The following ENOX1 variants were observed in gnomAD, a reference collection of about 807,000 sequenced individuals.
ENOX1 encodes ecto-NOX disulfide-thiol exchanger 1, also known as candidate growth-related and time keeping constitutive hydroquinone (NADH) oxidase.
A neutral mutation model predicts 82.5 loss-of-function variants in ENOX1; 42 were observed. The observed-to-expected ratio is 0.51, with a 90% CI of 0.40 to 0.66. The LOEUF is 0.66. ENOX1 is among the 30% of genes least tolerant of loss of function. The probability of loss-of-function intolerance (pLI) is 0.00; values close to 1 mark genes in which losing one functional copy is unlikely to be tolerated. For synonymous variants in ENOX1, 271 were observed against 282.2 expected, an observed-to-expected ratio of 0.96 and a Z score of 0.40; for missense variants, 608 against 811.6, an observed-to-expected ratio of 0.75 and a Z score of 3.05.
At chr13:43,734,588 AC>A (rs1297859930) in intron 1 of ENOX1, among the ~76,000 whole-genome samples, 1 of 152,198 alleles carries the variant, frequency 6.6e-6, no homozygotes, top group Non-Finnish European at 1.5e-5. Context: ...CCAGCAAGCA[AC>A]TTTTCACTCT....
chr13:43,274,405 T>C lies in ENOX1; in HGVS notation c.1447-4828A>G, dbSNP rs150622920. 8.8e-3 allele frequency among the ~76,000 whole-genome samples: 1,337 copies of C among 152,360 alleles called. 7 individuals carry two copies. The highest frequency in any genetic ancestry group is 0.054 in the Middle Eastern group (16 of 294). On this transcript the variant is annotated intron_variant, in intron 12 of 16. Transcript: ENST00000690772. Reference sequence around the variant, plus strand: ...ACTAATATTTATATATTCAAAACAATGGTGATTCAAAACTGCCACTCTTCA... The same window carrying C: ...ACTAATATTTATATATTCAAAACAACGGTGATTCAAAACTGCCACTCTTCA...
At chr13:43,734,499 T>C (rs1324130096) in intron 1 of ENOX1, among the ~76,000 whole-genome samples, 1 of 152,214 alleles carries the variant, frequency 6.6e-6, no homozygotes. Context: ...AAAGTATCTT[T>C]GAAAACTGCT....
chr13:43,687,023 G>GT (rs2086112382), intron 1 of ENOX1, among the ~76,000 whole-genome samples: 6 of 152,128 alleles, frequency 3.9e-5, no homozygotes, highest in Admixed American at 2.6e-4. Context: ...CCATTTTCAT[G>GT]TTGCCAGAAA....
intron 14 of ENOX1, among the ~76,000 whole-genome samples, chr13:43,254,749 C>T (rs9316003): frequency 0.97 from 146,972 of 152,270 alleles, 71,162 homozygotes; most frequent in East Asian, 1. Flanking sequence ...TAGAGTCTAT[C>T]ATGAATAACT....
chr13:43,761,877 A>G (rs1407042475), intron 1 of ENOX1, among the ~76,000 whole-genome samples: 1 of 152,134 alleles, frequency 6.6e-6, no homozygotes, highest in Non-Finnish European at 1.5e-5. Context: ...AAAACAATAA[A>G]ATAAAATAAA....
intron 1 of ENOX1, among the ~76,000 whole-genome samples, chr13:43,744,256 T>G (rs2153828520): frequency 6.6e-6 from 1 of 152,250 alleles, no homozygotes; most frequent in South Asian, 2.1e-4. Context: ...TTTCAGGGCT[T>G]CTCTGAAAAC....
intron 1 of ENOX1, among the ~76,000 whole-genome samples, chr13:43,754,072 A>T (rs1950484685): frequency 7.0e-6 from 1 of 142,328 alleles, no homozygotes; most frequent in African/African-American, 2.6e-5. Flanking sequence ...ATATACGTAT[A>T]TAAATACACA....
At chr13:43,479,891 T>C (rs1418686976) in intron 3 of ENOX1, among the ~76,000 whole-genome samples, 1 of 152,112 alleles carries the variant, frequency 6.6e-6, no homozygotes, top group East Asian at 1.9e-4. Context: ...GGCTTTTGGT[T>C]CCTGAGAACC....
At chr13:43,247,828 C>CAT (rs71214135) in intron 14 of ENOX1, among the ~76,000 whole-genome samples, 11 of 37,112 alleles carry the variant, frequency 3.0e-4, no homozygotes, top group African/African-American at 5.0e-4. Flanking sequence ...ACAGATGCAA[C>CAT]ATATATATAT....
chr13:43,459,133 C>T (rs1339456159), intron 3 of ENOX1: 6 of 152,198 alleles, frequency 3.9e-5, no homozygotes, highest in South Asian at 4.1e-4. Flanking sequence ...AAATCTATTA[C>T]GATTTCAATG....
rs374387995 is a variant in ENOX1, at chr13:43,412,835, T to C, written c.70+10A>G. On this transcript the variant is annotated intron_variant, in intron 4 of 16. Transcript: ENST00000690772. ...CTTGTTTGTGTCCTGTGCTGGCCAC[T>C]GGCATTTACCTGCAGCCATCATCTG... 256 of 1,614,046 alleles carry C rather than the reference T, an allele frequency of 1.6e-4. No individual in the cohort carries two copies. The highest frequency in any genetic ancestry group is 1.9e-4 in the Non-Finnish European group (223 of 1,179,980).
chr13:43,616,398 C>T (rs533764165), intron 2 of ENOX1, among the ~76,000 whole-genome samples: 14 of 148,826 alleles, frequency 9.4e-5, no homozygotes, highest in East Asian at 2.0e-4. Flanking sequence ...GATGGGGTTT[C>T]GCCATGTTGG....
chr13:43,714,841 A>T lies in ENOX1; in HGVS notation c.-284-47297T>A, dbSNP rs548440043. Among the ~76,000 whole-genome samples the T allele has an allele frequency of 8.5e-5, 13 of 152,260 alleles. No homozygotes were observed. The East Asian group carries it at 2.3e-3, about 27-fold the overall frequency. On this transcript the variant is annotated intron_variant, in intron 1 of 16. Coordinates refer to ENST00000690772, the MANE Select transcript of ENOX1 (RefSeq NM_001347969.2). ...GTGAGATGCGTTTCCTGAATAGCAC[A>T]CTGATGGGTCTTGACTCTATCCAAT...
At chr13:43,720,526 A>G (rs746825834) in intron 1 of ENOX1, among the ~76,000 whole-genome samples, 2 of 152,122 alleles carry the variant, frequency 1.3e-5, no homozygotes, top group Non-Finnish European at 2.9e-5. Context: ...TCTACTACTC[A>G]GTGCTGGTGT....
intron 11 of ENOX1, among the ~76,000 whole-genome samples, chr13:43,309,025 C>CTT (rs138771171): frequency 7.2e-6 from 1 of 138,582 alleles, no homozygotes; most frequent in African/African-American, 2.7e-5. Flanking sequence ...CTCAAAGTTA[C>CTT]TTTTTTTTTT....
intron 7 of ENOX1, 23 bp downstream of exon 7, chr13:43,359,828 A>C: frequency 6.2e-7 from 1 of 1,605,086 alleles, no homozygotes. Flanking sequence ...TGCCTAGAAA[A>C]CTCCTTATGT....
intron 2 of ENOX1, among the ~76,000 whole-genome samples, chr13:43,533,460 A>T (rs2078319073): frequency 6.6e-6 from 1 of 151,830 alleles, no homozygotes; most frequent in Non-Finnish European, 1.5e-5. Flanking sequence ...TCCATTTCTG[A>T]TTGGCATTCT....
At chr13:43,456,923 C>T (rs1206193228) in intron 3 of ENOX1, among the ~76,000 whole-genome samples, 2 of 152,172 alleles carry the variant, frequency 1.3e-5, no homozygotes, top group Non-Finnish European at 1.5e-5. Flanking sequence ...AGCTATTCCT[C>T]CTCCATCACT....
At chr13:43,753,831 G>A (rs974043963) in intron 1 of ENOX1, among the ~76,000 whole-genome samples, 1 of 152,050 alleles carries the variant, frequency 6.6e-6, no homozygotes, top group Non-Finnish European at 1.5e-5. Context: ...AAACTCAGGG[G>A]CCTATTAAGA....
Sources: allele counts gnomAD v4.1 joint callset (sites outside exome capture counted in the v4.1 genomes callset), GRCh38; gene constraint gnomAD v4.1.1; transcripts MANE v1.5; gene names NCBI Gene and HGNC (gene_info 2026-07-23, HGNC 2026-07-21).